The following TENM2 variants were observed in gnomAD, a reference collection of about 807,000 sequenced individuals.
TENM2 encodes the protein teneurin transmembrane protein 2.
In TENM2, 52 loss-of-function variants were observed where a neutral mutation model predicts 245.2. The ratio of observed to expected loss-of-function variants is 0.21; its 90% CI spans 0.17 to 0.27. The LOEUF is 0.27. Among genes scored for constraint, TENM2 ranks in the 10% least tolerant of loss-of-function variants. The pLI, the probability that TENM2 is intolerant of heterozygous loss-of-function variation, is 1.00. For missense variants in TENM2, 3,046 were observed against 3,666.8 expected (o/e 0.83, Z 4.37); for synonymous variants, 1,363 against 1,438.9 (o/e 0.95, Z 1.19).
intron 2 of TENM2, among the ~76,000 whole-genome samples, chr5:167,402,540 G>A (rs1244367023): frequency 6.6e-6 from 1 of 152,096 alleles, no homozygotes; most frequent in Non-Finnish European, 1.5e-5. Context: ...AGAAGGAAAT[G>A]ACATGTCTGA....
intron 9 of TENM2, among the ~76,000 whole-genome samples, chr5:168,106,867 C>T (rs923748756): frequency 6.6e-6 from 1 of 152,174 alleles, no homozygotes; most frequent in East Asian, 1.9e-4. Context: ...TCATGACCAG[C>T]CTGGGCAACG....
intron 2 of TENM2, among the ~76,000 whole-genome samples, chr5:167,820,422 C>G (rs1303598255): frequency 6.6e-6 from 1 of 152,158 alleles, no homozygotes; most frequent in African/African-American, 2.4e-5. Context: ...ATCTGAAGCT[C>G]CCGGCTCCCG....
chr5:168,004,517 G>GCGCGCGCGCGCACA (rs898616203), intron 5 of TENM2, among the ~76,000 whole-genome samples: 4 of 132,226 alleles, frequency 3.0e-5, no homozygotes, highest in African/African-American at 1.2e-4. Flanking sequence ...GCGCGCGCGC[G>GCGCGCGCGCGCACA]CACACACACA....
At chr5:168,128,723 T>A (rs1254727055) in intron 12 of TENM2, 1 of 152,268 alleles carries the variant, frequency 6.6e-6, no homozygotes, top group African/African-American at 2.4e-5. Context: ...TGTTTTTCCA[T>A]GGCTTGCCAG....
chr5:168,092,435 A>G (rs1793021793), intron 8 of TENM2, among the ~76,000 whole-genome samples: 1 of 152,196 alleles, frequency 6.6e-6, no homozygotes, highest in Non-Finnish European at 1.5e-5. Context: ...CTGTCATGGC[A>G]GAGTTGAGTC....
intron 4 of TENM2, among the ~76,000 whole-genome samples, chr5:167,972,968 G>GA (rs112646122): frequency 0.015 from 2,212 of 152,170 alleles, 42 homozygotes; most frequent in African/African-American, 0.049. Flanking sequence ...CTACAGCATG[G>GA]CCTACGTGAT....
At chr5:167,316,849 T>G (rs1366555413) in intron 1 of TENM2, among the ~76,000 whole-genome samples, 1 of 152,218 alleles carries the variant, frequency 6.6e-6, no homozygotes, top group Non-Finnish European at 1.5e-5. Flanking sequence ...GTACTCATAT[T>G]GCATAAGACA....
chr5:167,338,872 G>T (rs1180191858), intron 1 of TENM2, among the ~76,000 whole-genome samples: 2 of 152,182 alleles, frequency 1.3e-5, no homozygotes, highest in Admixed American at 6.5e-5. Flanking sequence ...GACAGAAAGA[G>T]AGAGTTCTGG....
At chr5:167,015,011 GT>G in the TENM2 span, among the ~76,000 whole-genome samples, 1 of 152,156 alleles carries the variant, frequency 6.6e-6, no homozygotes, top group African/African-American at 2.4e-5. Context: ...ATGCAAACCT[GT>G]TCTCTAGCTC....
chr5:168,190,240 G>A (rs758328786), intron 13 of TENM2, 97 bp from the exon 16 acceptor site: 21 of 895,498 alleles, frequency 2.3e-5, no homozygotes, highest in Admixed American at 1.9e-4. Flanking sequence ...TACGTTTGAT[G>A]CTGCTCATGC....
At position 167,423,670 on chromosome 5, in the gene TENM2, A is replaced by G. The variant is rs558306230; in HGVS notation, c.502+48197A>G. Reference sequence around the variant, plus strand: ...AGCATTCCCACGTTGGGCACCCTGGAAAACAATAGTCCAGGACTTCTTTAA... The same window carrying G: ...AGCATTCCCACGTTGGGCACCCTGGGAAACAATAGTCCAGGACTTCTTTAA... On this transcript the variant is annotated intron_variant, in intron 2 of 28. Transcript: ENST00000518659. 1.7e-3 allele frequency among the ~76,000 whole-genome samples: 258 copies of G among 152,270 alleles called. 15 individuals are homozygous for G. In the South Asian group the frequency reaches 0.052, roughly 30 times the overall value.
intron 2 of TENM2, among the ~76,000 whole-genome samples, chr5:167,774,461 G>A (rs573631257): frequency 2.0e-5 from 3 of 152,270 alleles, no homozygotes; most frequent in Non-Finnish European, 2.9e-5. Flanking sequence ...AGACGTGGAT[G>A]CATTGACCCA....
intron 2 of TENM2, among the ~76,000 whole-genome samples, chr5:167,465,066 G>A (rs1313674703): frequency 6.6e-6 from 1 of 152,196 alleles, no homozygotes; most frequent in East Asian, 1.9e-4. Context: ...CATCTCTCTA[G>A]TTTGGATATT....
intron 3 of TENM2, among the ~76,000 whole-genome samples, chr5:167,904,646 C>T (rs1775951721): frequency 6.6e-6 from 1 of 152,102 alleles, no homozygotes; most frequent in African/African-American, 2.4e-5. Context: ...TTAAATCCAC[C>T]TTTTTATTTA....
intron 2 of TENM2, among the ~76,000 whole-genome samples, chr5:167,426,620 TG>T (rs1331820926): frequency 6.6e-6 from 1 of 152,014 alleles, no homozygotes; most frequent in Non-Finnish European, 1.5e-5. Context: ...CTTTCTTAAC[TG>T]TTTTGGTGTG....
At chr5:167,008,841 G>T in the TENM2 span, among the ~76,000 whole-genome samples, 1 of 152,016 alleles carries the variant, frequency 6.6e-6, no homozygotes, top group Admixed American at 6.5e-5. Flanking sequence ...TTCCTATTTG[G>T]GTCAGTGTGC....
At chr5:168,165,336 G>A (rs1758123068) in intron 13 of TENM2, among the ~76,000 whole-genome samples, 1 of 152,124 alleles carries the variant, frequency 6.6e-6, no homozygotes, top group Admixed American at 6.5e-5. Flanking sequence ...ATTGAGCACA[G>A]CGGTTGCTTA....
At chr5:167,276,613 G>C in the TENM2 span, among the ~76,000 whole-genome samples, 1 of 151,768 alleles carries the variant, frequency 6.6e-6, no homozygotes, top group East Asian at 1.9e-4. Context: ...ATTGGTTCCG[G>C]GATGTCGCAC....
chr5:168,139,083 A>G (rs542431664), intron 12 of TENM2, among the ~76,000 whole-genome samples: 1 of 152,358 alleles, frequency 6.6e-6, no homozygotes, highest in East Asian at 1.9e-4. Flanking sequence ...CAAGGAGGTC[A>G]ATATAAGGAT....
Sources: allele counts gnomAD v4.1 joint callset (sites outside exome capture counted in the v4.1 genomes callset), GRCh38; gene constraint gnomAD v4.1.1; transcripts MANE v1.5; gene names NCBI Gene and HGNC (gene_info 2026-07-23, HGNC 2026-07-21).